UGGT2: variants seen among roughly 807,000 people sequenced by gnomAD.
UGGT2 encodes UDP-glucose:glycoprotein glucosyltransferase 2.
UGGT2 carries 180 observed loss-of-function variants against 192.1 expected under a neutral mutation model. The ratio of observed to expected loss-of-function variants is 0.94; its 90% confidence interval spans 0.83 to 1.06. The LOEUF (loss-of-function observed/expected upper bound fraction) is 1.06. Among genes scored for constraint, UGGT2 ranks in the 50% least tolerant of loss-of-function variants. The pLI is 0.00. For synonymous variants in UGGT2, 580 were observed against 591.0 expected (o/e 0.98, Z 0.27); for missense variants, 1,849 against 1,795.7 (o/e 1.03, Z -0.54).
At chr13:95,956,074 A>C (rs921854181) in intron 12 of UGGT2, among the ~76,000 whole-genome samples, 1 of 152,230 alleles carries the variant, frequency 6.6e-6, no homozygotes, top group Non-Finnish European at 1.5e-5. Context: ...CACAAAGCAG[A>C]GCAGGAAATA....
intron 7 of UGGT2, among the ~76,000 whole-genome samples, chr13:95,991,989 C>T (rs990627835): frequency 6.6e-6 from 1 of 151,894 alleles, no homozygotes; most frequent in Non-Finnish European, 1.5e-5. Flanking sequence ...ATGGTGAAAC[C>T]CCATCTCTAC....
At chr13:95,980,135 G>A (rs2051070558) in intron 10 of UGGT2, among the ~76,000 whole-genome samples, 1 of 152,144 alleles carries the variant, frequency 6.6e-6, no homozygotes, top group Admixed American at 6.6e-5. Context: ...CCACTACTAG[G>A]TAACTGCCCA....
At chr13:95,938,576 T>C (rs1002312464) in intron 16 of UGGT2, among the ~76,000 whole-genome samples, 3 of 152,200 alleles carry the variant, frequency 2.0e-5, no homozygotes, top group African/African-American at 7.2e-5. Flanking sequence ...CACTGTACTA[T>C]ACTATCTGTA....
At chr13:95,902,768 GT>G in intron 21 of UGGT2, 85 bp downstream of exon 21, 5 of 1,297,162 alleles carry the variant, frequency 3.9e-6, no homozygotes, top group Non-Finnish European at 5.3e-6. Flanking sequence ...ATCTACCATT[GT>G]TTTTCAGTAA....
chr13:95,947,522 G>C (rs2049916513), intron 14 of UGGT2, among the ~76,000 whole-genome samples: 1 of 151,682 alleles, frequency 6.6e-6, no homozygotes, highest in Non-Finnish European at 1.5e-5. Context: ...CACAATCCAG[G>C]CTCACTGAAA....
intron 1 of UGGT2, among the ~76,000 whole-genome samples, chr13:96,051,409 C>T (rs1327594772): frequency 1.3e-5 from 2 of 152,136 alleles, no homozygotes; most frequent in Admixed American, 6.5e-5. Flanking sequence ...AGCACACCAA[C>T]ATGGCACATG....
chr13:95,898,511 C>T (rs2048012423), intron 22 of UGGT2, among the ~76,000 whole-genome samples: 1 of 152,142 alleles, frequency 6.6e-6, no homozygotes, highest in Non-Finnish European at 1.5e-5. Flanking sequence ...TGGCTTCCTC[C>T]TTCACCTTCT....
intron 38 of UGGT2, among the ~76,000 whole-genome samples, chr13:95,810,101 C>T (rs1884506618): frequency 6.6e-6 from 1 of 152,174 alleles, no homozygotes; most frequent in African/African-American, 2.4e-5. Context: ...ATGTGACGAC[C>T]TCAATCTGTT....
At chr13:96,033,862 A>C (rs1345607392) in intron 1 of UGGT2, among the ~76,000 whole-genome samples, 1 of 152,134 alleles carries the variant, frequency 6.6e-6, no homozygotes, top group East Asian at 1.9e-4. Flanking sequence ...CATGACGCGA[A>C]CTGCCTGGGT....
chr13:95,877,967 A>G (rs1289397891), intron 27 of UGGT2, 111 bp from the exon 28 acceptor site: 1 of 1,107,334 alleles, frequency 9.0e-7, no homozygotes, highest in African/African-American at 1.6e-5. Flanking sequence ...TTTGGTGGCT[A>G]ACTTTAAGTC....
chr13:95,900,977 A>G, intron 21 of UGGT2, 39 bp from the exon 22 acceptor site: 1 of 1,392,316 alleles, frequency 7.2e-7, no homozygotes, highest in Non-Finnish European at 9.4e-7. Flanking sequence ...TAATATGAGA[A>G]CAGTAAATAT....
At chr13:96,023,906 GA>G (rs2139122831) in intron 2 of UGGT2, 147 bp from the exon 3 acceptor site, 1 of 587,830 alleles carries the variant, frequency 1.7e-6, no homozygotes, top group East Asian at 3.8e-5. Flanking sequence ...GAAAAATCAA[GA>G]TCTCAGTTCT....
At position 95,895,319 on chromosome 13, in the gene UGGT2, A is replaced by C. The variant is rs1224453096; in HGVS notation, c.2635-15T>G. ...GGTCCTAAGAACTTAAAATAAAAAC[A>C]GTTATATTATCATATATCTTCTAGA... is the stretch of plus-strand genomic sequence containing the variant. On this transcript the variant is annotated splice_polypyrimidine_tract_variant and intron_variant, in intron 22 of 38. Coordinates refer to ENST00000376747, the MANE Select transcript of UGGT2 (RefSeq NM_020121.4). 2 of 1,349,998 alleles carry C rather than the reference A, an allele frequency of 1.5e-6. No homozygotes were observed. The highest frequency in any genetic ancestry group is 2.4e-5 in the Admixed American group (1 of 40,890). The allele number at this position is 1,349,998 out of a possible 1,614,324, so 83.6% of individuals were successfully genotyped here. A position where few individuals can be genotyped will look rare whatever the true frequency, so the allele number is the denominator to read the frequency against.
Position 95,877,365 on chromosome 13 carries a change from CT to C in UGGT2, c.3388-2del. On this transcript the variant is annotated splice_acceptor_variant, in intron 28 of 38. Transcript: ENST00000376747. LOFTEE classifies it high-confidence loss of function. ...GGTTTGCTTTTAATTGAAAATACCCCTTTTAAGATGAGAAAAAAATAATCAT... is the reference window on the plus strand; with the variant it reads ...GGTTTGCTTTTAATTGAAAATACCCCTTTAAGATGAGAAAAAAATAATCAT... 6.3e-7 allele frequency: 1 copy of C among 1,598,306 alleles called. No homozygotes were observed. The highest frequency in any genetic ancestry group is 1.2e-5 in the South Asian group (1 of 86,532).
intron 37 of UGGT2, among the ~76,000 whole-genome samples, chr13:95,834,709 G>T (rs998129643): frequency 1.3e-5 from 2 of 152,038 alleles, no homozygotes; most frequent in African/African-American, 4.8e-5. Context: ...CTTTTCCTGG[G>T]TATTGGTATT....
intron 5 of UGGT2, among the ~76,000 whole-genome samples, chr13:96,007,595 C>A (rs2139046872): frequency 6.6e-6 from 1 of 152,204 alleles, no homozygotes; most frequent in Admixed American, 6.5e-5. Flanking sequence ...TAAATGAATT[C>A]AGTAAAGTTG....
intron 27 of UGGT2, among the ~76,000 whole-genome samples, chr13:95,883,981 G>C (rs1321803671): frequency 6.7e-6 from 1 of 148,306 alleles, no homozygotes; most frequent in African/African-American, 2.5e-5. Flanking sequence ...GGTATACCTG[G>C]CCTGTAGTAT....
intron 32 of UGGT2, 108 bp from the exon 33 acceptor site, chr13:95,859,783 T>G: frequency 2.5e-6 from 2 of 795,956 alleles, no homozygotes; most frequent in Non-Finnish European, 3.7e-6. Context: ...TTCTTAAATT[T>G]TACTTTAAGT....
rs1486792587 is a variant in UGGT2, at chr13:95,871,245, T to C, written c.3474-3822A>G. 2.0e-5 allele frequency among the ~76,000 whole-genome samples: 3 copies of C among 152,168 alleles called. No homozygotes were observed. The East Asian group carries it at 5.8e-4, about 29-fold the overall frequency. ...TGCTTCCACTGAAACACCAATGAGA[T>C]AGCTACCAGACACCGAAGTGAGTAT... is the stretch of plus-strand genomic sequence containing the variant. On this transcript the variant is annotated intron_variant, in intron 29 of 38. Coordinates refer to ENST00000376747, the MANE Select transcript of UGGT2 (RefSeq NM_020121.4).
Sources: gnomAD v4.1 joint callset for allele counts (sites outside exome capture counted in the v4.1 genomes callset) on GRCh38, gnomAD v4.1.1 for gene constraint, MANE v1.5 for transcripts, NCBI Gene and HGNC (gene_info 2026-07-23, HGNC 2026-07-21) for gene names.